The following UBE2D3 variants were observed in gnomAD, a reference collection of about 807,000 sequenced individuals.
The protein encoded by UBE2D3 is ubiquitin conjugating enzyme E2 D3.
In UBE2D3, 2 loss-of-function variants were observed where a neutral mutation model predicts 22.8. That is an observed-to-expected ratio of 0.09 (90% CI 0.04 to 0.28). The LOEUF (loss-of-function observed/expected upper bound fraction) is 0.28. Ranked by LOEUF, UBE2D3 falls within the 10% of genes least tolerant of loss-of-function variation. The pLI, the probability that UBE2D3 is intolerant of heterozygous loss-of-function variation, is 1.00. For synonymous variants in UBE2D3, 56 were observed against 60.4 expected, an observed-to-expected ratio of 0.93 and a Z score of 0.34; for missense variants, 27 against 182.5, an observed-to-expected ratio of 0.15 and a Z score of 4.91.
In UBE2D3 at chr4:102,806,129, G is replaced by A. The variant is rs144898009; in HGVS notation, c.121-3491C>T. ...ACTCCCCTGCTTGAAATCTATGATA[G>A]TTTTTAAGATAATTCCAACTCCTAA... is the stretch of plus-strand genomic sequence containing the variant. On this transcript the variant is annotated intron_variant, in intron 4 of 7. Transcript: ENST00000453744. 1.9e-3 allele frequency among the ~76,000 whole-genome samples: 293 copies of A among 152,230 alleles called. 4 individuals are homozygous for A. Among genetic ancestry groups the A allele is most frequent in the South Asian group, 0.013 (62 of 4,820 alleles).
At chr4:102,798,243 T>A (rs967556398) in intron 7 of UBE2D3, among the ~76,000 whole-genome samples, 1 of 119,496 alleles carries the variant, frequency 8.4e-6, no homozygotes. Flanking sequence ...ATAGACTACT[T>A]ACAACAACAA....
intron 1 of UBE2D3, among the ~76,000 whole-genome samples, chr4:102,858,363 A>G (rs897227118): frequency 2.0e-5 from 3 of 151,940 alleles, no homozygotes; most frequent in African/African-American, 7.2e-5. Flanking sequence ...TTCTACCACC[A>G]GTGGTAGTTT....
intron 4 of UBE2D3, among the ~76,000 whole-genome samples, chr4:102,807,552 T>A (rs1436093647): frequency 3.3e-5 from 5 of 152,194 alleles, no homozygotes. Flanking sequence ...TTGTGGTTAA[T>A]CAGGTTAATA....
intron 1 of UBE2D3, among the ~76,000 whole-genome samples, chr4:102,838,420 C>T (rs751146165): frequency 2.6e-5 from 4 of 152,124 alleles, no homozygotes; most frequent in East Asian, 1.9e-4. Context: ...TTTGAAAACA[C>T]CACAGATCAG....
At chr4:102,811,787 C>CG (rs1256645209) in intron 2 of UBE2D3, 1 of 447,818 alleles carries the variant, frequency 2.2e-6, no homozygotes, top group East Asian at 7.1e-5. Flanking sequence ...GAAGCAGAGG[C>CG]GAGAGGACAG....
chr4:102,807,486 C>T (rs1475827152), intron 4 of UBE2D3, among the ~76,000 whole-genome samples: 1 of 152,120 alleles, frequency 6.6e-6, no homozygotes, highest in African/African-American at 2.4e-5. Flanking sequence ...GAGAACTAAC[C>T]TTTTTAACTG....
chr4:102,801,358 CA>C (rs1274245657), intron 6 of UBE2D3, 95 bp downstream of exon 6: 9 of 1,076,586 alleles, frequency 8.4e-6, no homozygotes, highest in African/African-American at 1.7e-5. Context: ...CATCTCTTAC[CA>C]AAAAGCTGCC....
rs1725095168 is a variant in UBE2D3 at position 102,794,720 on chromosome 4, T to C, written c.*2695A>G. 1 of 151,748 alleles carries C rather than the reference T, an allele frequency of 6.6e-6. No individual in the cohort carries two copies. The highest frequency in any genetic ancestry group is 1.5e-5 in the Non-Finnish European group (1 of 67,900). 9.4% of individuals were successfully genotyped at this position (151,748 alleles called of 1,614,324 possible). The stretch of plus-strand genomic sequence containing the variant: ...ACTACCCCTGAGACCACTAGTTAAC[T>C]GTGGTTCATACTTTAAAATGTGAGT... On this transcript the variant is annotated 3_prime_UTR_variant, in exon 8 of 8. Coordinates refer to ENST00000453744, the MANE Select transcript of UBE2D3 (RefSeq NM_181891.3).
intron 1 of UBE2D3, among the ~76,000 whole-genome samples, chr4:102,842,636 AG>A (rs1381474921): frequency 1.3e-5 from 2 of 152,214 alleles, no homozygotes; most frequent in Non-Finnish European, 2.9e-5. Context: ...CAATTAAAAA[AG>A]CTAGACCAAA....
chr4:102,805,694 C>T (rs1024779532), intron 4 of UBE2D3, among the ~76,000 whole-genome samples: 1 of 152,102 alleles, frequency 6.6e-6, no homozygotes. Context: ...CTACTCTTAA[C>T]TGCTGACCCA....
intron 1 of UBE2D3, among the ~76,000 whole-genome samples, chr4:102,854,775 G>A (rs940839263): frequency 6.6e-6 from 1 of 152,100 alleles, no homozygotes; most frequent in Non-Finnish European, 1.5e-5. Flanking sequence ...AATCAACCCT[G>A]AGTAACAACA....
chr4:102,808,294 G>A (rs932331242), intron 4 of UBE2D3, among the ~76,000 whole-genome samples: 1 of 152,108 alleles, frequency 6.6e-6, no homozygotes, highest in African/African-American at 2.4e-5. Flanking sequence ...CAAAAATATC[G>A]TGTGGGCCAA....
chr4:102,862,697 A>C (rs979210002), intron 1 of UBE2D3, among the ~76,000 whole-genome samples: 2 of 152,200 alleles, frequency 1.3e-5, no homozygotes, highest in Non-Finnish European at 2.9e-5. Context: ...ATAGAATTCT[A>C]AATTATAGGT....
In UBE2D3 at chr4:102,795,799, T is replaced by G. The variant is rs1371720356; in HGVS notation, c.*1616A>C. ...TGTAAGCAGTGCAAAAATGTGGAAGTGGAGGAGTCACAGATGTGCTAGAAC... is the reference window on the plus strand; with the variant it reads ...TGTAAGCAGTGCAAAAATGTGGAAGGGGAGGAGTCACAGATGTGCTAGAAC... On this transcript the variant is annotated 3_prime_UTR_variant, in exon 8 of 8. Coordinates refer to ENST00000453744, the MANE Select transcript of UBE2D3 (RefSeq NM_181891.3). The G allele has an allele frequency of 1.3e-5, 2 of 152,060 alleles. No homozygotes were observed. Among genetic ancestry groups the G allele is most frequent in the East Asian group, 3.8e-4 (2 of 5,198 alleles). The allele number at this position is 152,060 out of a possible 1,614,324, so 9.4% of individuals were successfully genotyped here.
At chr4:102,868,890 C>A (rs1253923962), upstream of UBE2D3, 5 of 1,476,514 alleles carry the variant, frequency 3.4e-6, no homozygotes, top group Admixed American at 3.9e-5. Flanking sequence ...CTCGGCAGTC[C>A]GCCGCGAGCG....
Position 102,853,135 on chromosome 4 carries a change from ATTTTTTTT to A in UBE2D3, c.-129+15572_-129+15579del, listed in dbSNP as rs151339235. Among the ~76,000 whole-genome samples, 168 of 88,612 alleles carry A rather than the reference ATTTTTTTT, an allele frequency of 1.9e-3. 7 individuals are homozygous for A. Among genetic ancestry groups the A allele is most frequent in the Non-Finnish European group, 3.2e-3 (153 of 47,840 alleles). The allele number at this position is 88,612 out of a possible 152,430, so 58.1% of individuals were successfully genotyped here. The stretch of plus-strand genomic sequence containing the variant: ...GTCAAAATTACACACAAACACACAC[ATTTTTTTT>A]TTTTTTTTTTTTTTTTTGAGACGGA... On this transcript the variant is annotated intron_variant, in intron 1 of 7. Transcript: ENST00000338145.
At chr4:102,817,922 T>G (rs1729010855) in intron 2 of UBE2D3, among the ~76,000 whole-genome samples, 1 of 152,202 alleles carries the variant, frequency 6.6e-6, no homozygotes, top group Admixed American at 6.5e-5. Context: ...AGCCTAAAGT[T>G]TCACAGGCTT....
At chr4:102,806,659 T>C (rs1727094032) in intron 4 of UBE2D3, among the ~76,000 whole-genome samples, 1 of 152,216 alleles carries the variant, frequency 6.6e-6, no homozygotes, top group Non-Finnish European at 1.5e-5. Flanking sequence ...TACTCTCTTC[T>C]ACATCTCTGT....
At chr4:102,829,247 C>T (rs1348453787), upstream of UBE2D3, among the ~76,000 whole-genome samples, 3 of 152,154 alleles carry the variant, frequency 2.0e-5, no homozygotes, top group Non-Finnish European at 4.4e-5. Flanking sequence ...CTCGTCTGAA[C>T]CACCCCGTGA....
Sources: allele counts gnomAD v4.1 joint callset (sites outside exome capture counted in the v4.1 genomes callset), GRCh38; gene constraint gnomAD v4.1.1; transcripts MANE v1.5; gene names NCBI Gene and HGNC (gene_info 2026-07-23, HGNC 2026-07-21).